The following SKOR1 variants were observed in gnomAD, a reference collection of about 807,000 sequenced individuals.
The protein encoded by SKOR1 is SKI family transcriptional corepressor 1.
Under a neutral mutation model 72.4 loss-of-function variants are expected in SKOR1, and 38 were observed. That is an observed-to-expected ratio of 0.52 (90% confidence interval 0.40 to 0.69). The LOEUF is 0.69. Ranked by LOEUF, SKOR1 falls within the 30% of genes least tolerant of loss-of-function variation. SKOR1 has a pLI of 0.00. For missense variants in SKOR1, 1,320 were observed against 1,343.2 expected (o/e 0.98, Z 0.27); for synonymous variants, 642 against 599.4 (o/e 1.07, Z -1.04).
rs955116491 is a variant in SKOR1, at chr15:67,827,125, G to C, written c.1297G>C (p.Gly433Arg). The C allele has an allele frequency of 2.1e-6, 3 of 1,407,770 alleles. No homozygotes were observed. The African/African-American group carries it at 4.5e-5, about 21-fold the overall frequency. 87.2% of individuals were successfully genotyped at this position (1,407,770 alleles called of 1,614,324 possible). A position where few individuals can be genotyped will look rare whatever the true frequency, so the allele number is the denominator to read the frequency against. The change falls in exon 2 of 9, where the codon GGG (glycine) becomes CGG (arginine). Residue 433 changes from glycine (G) to arginine (R), a missense_variant. Gly to Arg is a moderately radical substitution (Grantham distance 125). This residue lies in a region of SKOR1 where 1,099 missense variants were observed against 1,025.5 expected (regional missense o/e 1.07). Coordinates refer to ENST00000380035, the MANE Select transcript of SKOR1 (RefSeq NM_001365915.1). The part of the protein sequence containing the change: ...PGTGSGGGGA[G>R]TGGGAGGPGA... ...CACTGGGAGCGGCGGCGGCGGCGCG[G>C]GGACAGGCGGGGGTGCGGGGGGCCC...
rs184089221 is a variant in SKOR1, at chr15:67,830,856, T to C, written c.2554T>C (p.Leu852=). The part of the protein sequence containing the change: ...GLTLDVTGTH[L]VEKDIENLAR... ...TACCTTGGATGTCACAGGAACTCAT[T>C]TGGTGGAGAAAGATATCGAGAACCT... is the stretch of plus-strand genomic sequence containing the variant. The change falls in exon 5 of 9, where the codon TTG becomes CTG. Residue 852 remains leucine, a synonymous_variant. Coordinates refer to ENST00000380035, the MANE Select transcript of SKOR1 (RefSeq NM_001365915.1). 6.2e-7 allele frequency: 1 copy of C among 1,614,038 alleles called. No individual in the cohort carries two copies. Among genetic ancestry groups the C allele is most frequent in the Admixed American group, 1.7e-5 (1 of 60,028 alleles).
chr15:67,829,005 T>TA (rs1332858223), intron 2 of SKOR1, among the ~76,000 whole-genome samples, 174 bp from the exon 3 acceptor site: 1 of 152,134 alleles, frequency 6.6e-6, no homozygotes, highest in African/African-American at 2.4e-5. Flanking sequence ...TTACCCTGAA[T>TA]CTACAAGGGG....
chr15:67,830,519 G>A (rs994814335), intron 4 of SKOR1, among the ~76,000 whole-genome samples: 3 of 152,156 alleles, frequency 2.0e-5, no homozygotes, highest in Admixed American at 1.3e-4. Flanking sequence ...TCAGGTAAGG[G>A]CAGAGGATGT....
rs1329398319 is a variant in SKOR1, at chr15:67,826,786, C to T, written c.958C>T (p.Pro320Ser). 3 of 1,531,916 alleles carry T rather than the reference C, an allele frequency of 2.0e-6. No homozygotes were observed. Among genetic ancestry groups the T allele is most frequent in the Non-Finnish European group, 8.7e-7 (1 of 1,143,338 alleles). The allele number at this position is 1,531,916 out of a possible 1,614,324, so 94.9% of individuals were successfully genotyped here. A position where few individuals can be genotyped will look rare whatever the true frequency, so the allele number is the denominator to read the frequency against. ...PGCGAEMAPG[P>S]PPHKSLRCGE... ...GTGCGGTGCAGAGATGGCCCCAGGC[C>T]CGCCGCCCCACAAAAGCCTGCGCTG... The change falls in exon 2 of 9, where the codon CCG becomes TCG. Residue 320 changes from proline to serine, a missense_variant. Pro to Ser is a moderately conservative substitution (Grantham distance 74, BLOSUM62 -1). Coordinates refer to ENST00000380035, the MANE Select transcript of SKOR1 (RefSeq NM_001365915.1).
chr15:67,825,715 C>A lies in SKOR1; in HGVS notation c.107+6C>A. The A allele has an allele frequency of 1.2e-6, 1 of 801,488 alleles. No homozygotes were observed. Among genetic ancestry groups the A allele is most frequent in the South Asian group, 1.4e-5 (1 of 69,384 alleles). The allele number at this position is 801,488 out of a possible 1,614,324, so 49.6% of individuals were successfully genotyped here. A position where few individuals can be genotyped will look rare whatever the true frequency, so the allele number is the denominator to read the frequency against. On this transcript the variant is annotated splice_donor_region_variant and intron_variant, in intron 1 of 8. Transcript: ENST00000380035. This position sits in a 1 kb window ranked among gnomAD's most constrained non-coding sequence, Gnocchi z 5.6. ...GCAGCCCGGGCATTCCTGAGGTCTCCTTTACCCCTTCTCCTCCCCCAAGCC... is the reference window on the plus strand; with the variant it reads ...GCAGCCCGGGCATTCCTGAGGTCTCATTTACCCCTTCTCCTCCCCCAAGCC...
rs2091016865 is a variant in SKOR1, at chr15:67,832,561, G to T, written c.2663-46G>T. Reference sequence around the variant, plus strand: ...GCCAGGAGTGAGAAAGTGGAGCCGGGAGAGGGGGCTGTGCGTAACAGCTCT... The same window carrying T: ...GCCAGGAGTGAGAAAGTGGAGCCGGTAGAGGGGGCTGTGCGTAACAGCTCT... On this transcript the variant is annotated intron_variant, in intron 6 of 8. Transcript: ENST00000380035. This position sits in a 1 kb window ranked among gnomAD's most constrained non-coding sequence, Gnocchi z 4.5. 8 of 1,555,748 alleles carry T rather than the reference G, an allele frequency of 5.1e-6. No individual in the cohort carries two copies. The highest frequency in any genetic ancestry group is 1.1e-5 in the South Asian group (1 of 89,540).
In SKOR1 at chr15:67,827,895, A is replaced by T. The variant is rs371609590; in HGVS notation, c.2067A>T (p.Pro689=). The change falls in exon 2 of 9, where the codon CCA becomes CCT. Residue 689 remains proline (P), a synonymous_variant. Transcript: ENST00000380035. ...EPSAPSAGGG[P]DGEQPTGPPS... ...GCGCACCCAGCGCAGGGGGCGGCCC[A>T]GACGGTGAACAGCCCACTGGACCCC... The T allele has an allele frequency of 2.5e-4, 399 of 1,599,980 alleles. No homozygotes were observed. Among genetic ancestry groups the T allele is most frequent in the Non-Finnish European group, 2.8e-4 (327 of 1,174,450 alleles).
chr15:67,830,327 C>T lies in SKOR1; in HGVS notation c.2515+29C>T, dbSNP rs757086298. ...AGCCAGCCCTTGAACCCATCGCTCTCCACCGCACCCAGGAGCTGGGACCCA... is the reference window on the plus strand; with the variant it reads ...AGCCAGCCCTTGAACCCATCGCTCTTCACCGCACCCAGGAGCTGGGACCCA... On this transcript the variant is annotated intron_variant, in intron 4 of 8. Coordinates refer to ENST00000380035, the MANE Select transcript of SKOR1 (RefSeq NM_001365915.1). 5 of 1,602,602 alleles carry T rather than the reference C, an allele frequency of 3.1e-6. No homozygotes were observed. In the Admixed American group the frequency reaches 6.7e-5, roughly 21 times the overall value.
At chr15:67,831,956 G>C (rs894842038) in intron 5 of SKOR1, among the ~76,000 whole-genome samples, 1 of 150,940 alleles carries the variant, frequency 6.6e-6, no homozygotes, top group African/African-American at 2.5e-5. Flanking sequence ...CTTGAAGTGG[G>C]AAATCAAGTT....
In SKOR1 at chr15:67,825,559, CG is replaced by C; in HGVS notation, c.-43del. The C allele has an allele frequency of 1.4e-6, 1 of 724,652 alleles. No individual in the cohort carries two copies. The highest frequency in any genetic ancestry group is 2.6e-6 in the Non-Finnish European group (1 of 389,046). 44.9% of individuals were successfully genotyped at this position (724,652 alleles called of 1,614,324 possible). A position where few individuals can be genotyped will look rare whatever the true frequency, so the allele number is the denominator to read the frequency against. On this transcript the variant is annotated 5_prime_UTR_variant, in exon 1 of 9. Coordinates refer to ENST00000380035, the MANE Select transcript of SKOR1 (RefSeq NM_001365915.1). This position sits in a 1 kb window ranked among gnomAD's most constrained non-coding sequence, Gnocchi z 5.6. ...CGGCAGCACCGGCTGCGAGGGTTGC[CG>C]AAGGCGCACGGATCTGGGCGCTGAA...
rs557655883 is a variant in SKOR1, at chr15:67,827,634, C to A, written c.1806C>A (p.Thr602=). 2 of 1,531,250 alleles carry A rather than the reference C, an allele frequency of 1.3e-6. No individual in the cohort carries two copies. Among genetic ancestry groups the A allele is most frequent in the Admixed American group, 2.0e-5 (1 of 50,114 alleles). 94.9% of individuals were successfully genotyped at this position (1,531,250 alleles called of 1,614,324 possible). Residue 602 remains threonine, a synonymous_variant, in exon 2 of 9, where the codon ACC becomes ACA. Coordinates refer to ENST00000380035, the MANE Select transcript of SKOR1 (RefSeq NM_001365915.1). ...CCTTCCGGCCGGTGGTCAAGGACAC[C>A]GAGAGCATCGCTAAGCTCTACGGGA... is the stretch of plus-strand genomic sequence containing the variant. The part of the protein sequence containing the change: ...VSAFRPVVKD[T]ESIAKLYGSA...
rs1401665374 is a variant in SKOR1, at chr15:67,832,410, A to G, written c.2662+62A>G. On this transcript the variant is annotated intron_variant, in intron 6 of 8. Coordinates refer to ENST00000380035, the MANE Select transcript of SKOR1 (RefSeq NM_001365915.1). The surrounding 1 kb of genome is among the most constrained non-coding windows in gnomAD (Gnocchi z 4.5). ...CCGAGCCTTCCACCAGGGTGCCCCG[A>G]CCTACTCCGAAAGCCGGGTGCCAGG... 8 of 1,573,566 alleles carry G rather than the reference A, an allele frequency of 5.1e-6. No individual in the cohort carries two copies. The highest frequency in any genetic ancestry group is 1.7e-4 in the Middle Eastern group (1 of 5,832).
chr15:67,828,268 C>A, intron 2 of SKOR1, 124 bp downstream of exon 2: 2 of 1,341,128 alleles, frequency 1.5e-6, no homozygotes, highest in South Asian at 1.9e-5. Flanking sequence ...AGGCCTCGGC[C>A]ACTCTCCGCA....
chr15:67,831,896 G>A (rs2091009851), intron 5 of SKOR1, among the ~76,000 whole-genome samples: 1 of 138,572 alleles, frequency 7.2e-6, no homozygotes. Flanking sequence ...TTGAAAGGGC[G>A]GCGGTGCGGG....
Position 67,827,489 on chromosome 15 carries a change from C to G in SKOR1, c.1661C>G (p.Pro554Arg), listed in dbSNP as rs1331926721. The change falls in exon 2 of 9, where the codon CCG becomes CGG. Residue 554 changes from proline (P) to arginine (R), a missense_variant. Pro to Arg is a moderately radical substitution (Grantham distance 103, BLOSUM62 -2). This residue lies in a region of SKOR1 where 1,099 missense variants were observed against 1,025.5 expected (regional missense o/e 1.07). Coordinates refer to ENST00000380035, the MANE Select transcript of SKOR1 (RefSeq NM_001365915.1). ...ESGLGAEERC[P>R]SALSRGPLDE... ...GGCCTCGGCGCGGAGGAGCGCTGCC[C>G]GAGCGCTCTGTCCCGCGGGCCCCTG... 2.6e-6 allele frequency: 4 copies of G among 1,522,088 alleles called. No homozygotes were observed. The African/African-American group carries it at 5.7e-5, about 22-fold the overall frequency. 94.3% of individuals were successfully genotyped at this position (1,522,088 alleles called of 1,614,324 possible).
intron 5 of SKOR1, 108 bp downstream of exon 5, chr15:67,830,997 C>A (rs2091004534): frequency 8.8e-7 from 1 of 1,139,084 alleles, no homozygotes; most frequent in Non-Finnish European, 1.3e-6. Context: ...AGACACTCAC[C>A]AAGGCCTTGG....
In SKOR1 at chr15:67,829,161, A is replaced by G. The variant is rs376077360; in HGVS notation, c.2317-18A>G. ...CAGGGCGCCACCCTAATCGCCTGTCATTTCTCGGCCGTCGCAGGTGTTCGC... is the reference window on the plus strand; with the variant it reads ...CAGGGCGCCACCCTAATCGCCTGTCGTTTCTCGGCCGTCGCAGGTGTTCGC... On this transcript the variant is annotated intron_variant, in intron 2 of 8. Coordinates refer to ENST00000380035, the MANE Select transcript of SKOR1 (RefSeq NM_001365915.1). The G allele has an allele frequency of 6.9e-5, 105 of 1,528,498 alleles. No homozygotes were observed. The highest frequency in any genetic ancestry group is 8.9e-5 in the Non-Finnish European group (102 of 1,140,100). 94.7% of individuals were successfully genotyped at this position (1,528,498 alleles called of 1,614,324 possible). A position where few individuals can be genotyped will look rare whatever the true frequency, so the allele number is the denominator to read the frequency against.
Position 67,832,452 on chromosome 15 carries a change from C to A in SKOR1, c.2662+104C>A. The A allele has an allele frequency of 2.2e-6, 3 of 1,375,764 alleles. No individual in the cohort carries two copies. The highest frequency in any genetic ancestry group is 3.1e-6 in the Non-Finnish European group (3 of 973,184). The allele number at this position is 1,375,764 out of a possible 1,614,324, so 85.2% of individuals were successfully genotyped here. On this transcript the variant is annotated intron_variant, in intron 6 of 8. Coordinates refer to ENST00000380035, the MANE Select transcript of SKOR1 (RefSeq NM_001365915.1). This position sits in a 1 kb window ranked among gnomAD's most constrained non-coding sequence, Gnocchi z 4.5. ...GGTGCCAGGCAACTGGTACTAGGTGCCCTGCAGGAGACAAGAAACTGTCCT... is the reference window on the plus strand; with the variant it reads ...GGTGCCAGGCAACTGGTACTAGGTGACCTGCAGGAGACAAGAAACTGTCCT...
At position 67,832,874 on chromosome 15, in the gene SKOR1, A is replaced by C; in HGVS notation, c.2737+193A>C. 1.6e-6 allele frequency: 1 copy of C among 609,474 alleles called. No individual in the cohort carries two copies. Among genetic ancestry groups the C allele is most frequent in the Non-Finnish European group, 2.9e-6 (1 of 345,662 alleles). The allele number at this position is 609,474 out of a possible 1,614,324, so 37.8% of individuals were successfully genotyped here. On this transcript the variant is annotated intron_variant, in intron 7 of 8. Transcript: ENST00000380035. The surrounding 1 kb of genome is among the most constrained non-coding windows in gnomAD (Gnocchi z 4.5). ...GCCCAGCAAACGGCTTGCAGGCATC[A>C]TTACATGGAGTGATTGAACTTCTTA...
Sources: allele counts gnomAD v4.1 joint callset (sites outside exome capture counted in the v4.1 genomes callset), GRCh38; gene constraint gnomAD v4.1.1; regional missense constraint gnomAD v4.1.1; non-coding constraint Gnocchi (gnomAD v3.1); transcripts MANE v1.5; gene names NCBI Gene and HGNC (gene_info 2026-07-23, HGNC 2026-07-21).